Variants in TRPC4 observed in about 807,000 individuals in gnomAD.
TRPC4 encodes the protein short transient receptor potential channel 4.
Under a neutral mutation model 99.4 loss-of-function variants are expected in TRPC4, and 49 were observed. The observed-to-expected ratio is 0.49, with a 90% confidence interval of 0.39 to 0.63. TRPC4 has a LOEUF of 0.63. Among genes scored for constraint, TRPC4 ranks in the 20% least tolerant of loss-of-function variants. The pLI is 0.00. For synonymous variants in TRPC4, 454 were observed against 425.9 expected (o/e 1.07, Z -0.81); for missense variants, 898 against 1,152.9 (o/e 0.78, Z 3.20).
intron 1 of TRPC4, among the ~76,000 whole-genome samples, chr13:37,824,167 T>A (rs1294412265): frequency 6.6e-6 from 1 of 150,684 alleles, no homozygotes; most frequent in Non-Finnish European, 1.5e-5. Flanking sequence ...TTAAGGAGAT[T>A]TTGGGCTGAG....
chr13:37,801,892 A>T (rs1351731722), intron 1 of TRPC4, among the ~76,000 whole-genome samples: 1 of 152,126 alleles, frequency 6.6e-6, no homozygotes, highest in Non-Finnish European at 1.5e-5. Flanking sequence ...TTTGGAAGAG[A>T]GAATCAACAA....
chr13:37,812,610 A>C (rs1957734334), intron 1 of TRPC4, among the ~76,000 whole-genome samples: 1 of 152,108 alleles, frequency 6.6e-6, no homozygotes, highest in Non-Finnish European at 1.5e-5. Flanking sequence ...AAAAAATTAA[A>C]AGAGCATTAT....
At chr13:37,732,836 C>A (rs369022947) in intron 3 of TRPC4, among the ~76,000 whole-genome samples, 2 of 152,080 alleles carry the variant, frequency 1.3e-5, no homozygotes, top group African/African-American at 2.4e-5. Context: ...AATGGAGAAA[C>A]GTGCCATGCT....
At chr13:37,826,903 G>A (rs978713827) in intron 1 of TRPC4, among the ~76,000 whole-genome samples, 2 of 152,086 alleles carry the variant, frequency 1.3e-5, no homozygotes, top group African/African-American at 4.8e-5. Context: ...ACCACTTTCA[G>A]GTACACCAAT....
At chr13:37,772,932 C>A (rs188575634) in intron 2 of TRPC4, among the ~76,000 whole-genome samples, 1 of 151,858 alleles carries the variant, frequency 6.6e-6, no homozygotes, top group East Asian at 2.0e-4. Context: ...CTCGCCTCCC[C>A]CTTCCCAGAA....
At chr13:37,667,694 C>T (rs906613122) in intron 5 of TRPC4, among the ~76,000 whole-genome samples, 18 of 152,156 alleles carry the variant, frequency 1.2e-4, no homozygotes, top group African/African-American at 4.3e-4. Context: ...CTTGAGATGA[C>T]CTTCTGATTT....
chr13:37,764,507 ATTATC>A (rs1956306736), intron 2 of TRPC4, among the ~76,000 whole-genome samples: 3 of 151,336 alleles, frequency 2.0e-5, no homozygotes, highest in Admixed American at 1.3e-4. Context: ...ATGTAGACAA[ATTATC>A]TGAACATACT....
intron 3 of TRPC4, among the ~76,000 whole-genome samples, chr13:37,744,825 G>A (rs1408792047): frequency 2.0e-5 from 3 of 152,088 alleles, no homozygotes; most frequent in Admixed American, 6.6e-5. Context: ...TCAGATAGAT[G>A]TAAACAGTCT....
intron 8 of TRPC4, among the ~76,000 whole-genome samples, chr13:37,645,782 A>C (rs541275175): frequency 3.3e-4 from 51 of 152,348 alleles, no homozygotes; most frequent in Non-Finnish European, 5.3e-4. Context: ...AAGCATATCA[A>C]AATAATTCAC....
intron 5 of TRPC4, among the ~76,000 whole-genome samples, chr13:37,672,636 A>T (rs1405467551): frequency 6.6e-6 from 1 of 152,230 alleles, no homozygotes; most frequent in Non-Finnish European, 1.5e-5. Flanking sequence ...TTTTAGAAGT[A>T]GGTCTAAACA....
intron 4 of TRPC4, among the ~76,000 whole-genome samples, chr13:37,690,072 A>G (rs1953631243): frequency 2.0e-5 from 3 of 152,222 alleles, no homozygotes; most frequent in Non-Finnish European, 2.9e-5. Flanking sequence ...TAGAATTTTT[A>G]GACATTCAAT....
chr13:37,829,552 A>G (rs542604390), intron 1 of TRPC4, among the ~76,000 whole-genome samples: 1 of 152,352 alleles, frequency 6.6e-6, no homozygotes, highest in South Asian at 2.1e-4. Context: ...CAATAAAACC[A>G]GTTGGATCAG....
intron 3 of TRPC4, among the ~76,000 whole-genome samples, chr13:37,738,089 A>G (rs1426908552): frequency 1.3e-5 from 2 of 152,108 alleles, no homozygotes; most frequent in Non-Finnish European, 2.9e-5. Context: ...TAAATAGGAT[A>G]TTGATTTCCT....
At position 37,745,977 on chromosome 13, in the gene TRPC4, A is replaced by G; in HGVS notation, c.857T>C (p.Leu286Pro). 15 of 1,613,724 alleles carry G rather than the reference A, an allele frequency of 9.3e-6. No homozygotes were observed. Among genetic ancestry groups the G allele is most frequent in the Non-Finnish European group, 1.2e-5 (14 of 1,179,756 alleles). Residue 286 changes from leucine to proline, a missense_variant, in exon 3 of 11, where the codon CTT becomes CCT. Transcript: ENST00000379705. Reference protein sequence around the residue: ...SLIEEQSGNDLARLKLAIKYR... With the variant: ...SLIEEQSGNDPARLKLAIKYR... ...CTTAATGGCCAATTTTAGTCTTGCA[A>G]GATCATTTCCACTTTGTTCTTCTAT...
intron 2 of TRPC4, among the ~76,000 whole-genome samples, chr13:37,766,649 G>A (rs907845311): frequency 6.6e-6 from 1 of 151,316 alleles, no homozygotes; most frequent in African/African-American, 2.4e-5. Flanking sequence ...CTGAATGCCT[G>A]GCTATTATGA....
intron 1 of TRPC4, among the ~76,000 whole-genome samples, chr13:37,818,943 A>T (rs1957938145): frequency 6.6e-6 from 1 of 152,080 alleles, no homozygotes; most frequent in Non-Finnish European, 1.5e-5. Context: ...CAAAACTTAA[A>T]GTACAATTAA....
intron 3 of TRPC4, among the ~76,000 whole-genome samples, chr13:37,719,846 A>G (rs989785142): frequency 6.6e-6 from 1 of 152,156 alleles, no homozygotes; most frequent in Non-Finnish European, 1.5e-5. Flanking sequence ...AAGGTTGCAG[A>G]TGGAATTAAG....
chr13:37,728,323 A>G (rs1955129330), intron 3 of TRPC4, among the ~76,000 whole-genome samples: 1 of 152,122 alleles, frequency 6.6e-6, no homozygotes, highest in African/African-American at 2.4e-5. Flanking sequence ...GAATTAATAA[A>G]CAAAATCAGC....
chr13:37,708,232 A>C (rs570320022), intron 3 of TRPC4, among the ~76,000 whole-genome samples: 1 of 152,266 alleles, frequency 6.6e-6, no homozygotes, highest in South Asian at 2.1e-4. Flanking sequence ...AGGAGATTTA[A>C]AAATGCTCAA....
Sources: gnomAD v4.1 joint callset for allele counts (sites outside exome capture counted in the v4.1 genomes callset) on GRCh38, gnomAD v4.1.1 for gene constraint, MANE v1.5 for transcripts, NCBI Gene and HGNC (gene_info 2026-07-23, HGNC 2026-07-21) for gene names.